Variants in HPSE2 observed in about 807,000 individuals in gnomAD.
HPSE2 encodes the protein inactive heparanase-2.
Under a neutral mutation model 60.5 loss-of-function variants are expected in HPSE2, and 38 were observed. That is an observed-to-expected ratio of 0.63 (90% CI 0.48 to 0.82). The LOEUF is 0.82. HPSE2 is among the 40% of genes least tolerant of loss of function. The pLI is 0.00. For missense variants in HPSE2, 713 were observed against 740.4 expected (o/e 0.96, Z 0.43); for synonymous variants, 295 against 293.2 (o/e 1.01, Z -0.06).
intron 9 of HPSE2, among the ~76,000 whole-genome samples, chr10:98,570,567 C>A (rs1944467308): frequency 6.6e-6 from 1 of 151,418 alleles, no homozygotes; most frequent in African/African-American, 2.4e-5. Flanking sequence ...TTGACCTGGG[C>A]ATTAGAATAA....
At chr10:98,737,529 C>T (rs201193249) in intron 4 of HPSE2, among the ~76,000 whole-genome samples, 2 of 92,898 alleles carry the variant, frequency 2.2e-5, no homozygotes, top group Non-Finnish European at 4.5e-5. Context: ...TTCTCTGACC[C>T]CTTGCACTTC....
intron 2 of HPSE2, among the ~76,000 whole-genome samples, chr10:99,193,480 C>T (rs186269267): frequency 1.3e-5 from 2 of 151,338 alleles, no homozygotes; most frequent in African/African-American, 4.8e-5. Context: ...AAAAGACATA[C>T]AGTGGCTGAA....
In HPSE2 at chr10:98,679,640, A is replaced by G. The variant is rs1268474835; in HGVS notation, c.1004+14260T>C. 2.0e-5 allele frequency among the ~76,000 whole-genome samples: 3 copies of G among 152,168 alleles called. No homozygotes were observed. In the South Asian group the frequency reaches 6.2e-4, roughly 32 times the overall value. On this transcript the variant is annotated intron_variant, in intron 6 of 11. Coordinates refer to ENST00000370552, the MANE Select transcript of HPSE2 (RefSeq NM_021828.5). ...CAATAAGTTATTATTTTGAAGTCCT[A>G]ATGTTTTTCTTGTGCCTACATGGAA...
intron 3 of HPSE2, among the ~76,000 whole-genome samples, chr10:99,069,706 A>G (rs1233921138): frequency 1.3e-5 from 2 of 151,766 alleles, no homozygotes; most frequent in Non-Finnish European, 2.9e-5. Context: ...AATTGCAATG[A>G]TAATAGTCAC....
intron 6 of HPSE2, among the ~76,000 whole-genome samples, chr10:98,678,783 G>T (rs1218460997): frequency 1.3e-5 from 2 of 151,946 alleles, no homozygotes; most frequent in African/African-American, 4.8e-5. Context: ...ATTTTTTGGA[G>T]ATAAAATTGT....
chr10:99,232,214 T>TACACAC (rs59437000), intron 2 of HPSE2, 134 bp downstream of exon 2: 10,607 of 896,590 alleles, frequency 0.012, 105 homozygotes, highest in African/African-American at 0.042. Flanking sequence ...CGCGCGCGCA[T>TACACAC]ACACACACAC....
Position 98,749,947 on chromosome 10 carries a change from T to TATATATATATATATATATACATAC in HPSE2, c.611-5892_611-5891insGTATGTATATATATATATATATAT. Among the ~76,000 whole-genome samples, 83 of 98,460 alleles carry TATATATATATATATATATACATAC rather than the reference T, an allele frequency of 8.4e-4. 2 individuals carry two copies. Among genetic ancestry groups the TATATATATATATATATATACATAC allele is most frequent in the African/African-American group, 2.4e-3 (73 of 30,014 alleles). 64.6% of individuals were successfully genotyped at this position (98,460 alleles called of 152,430 possible). A position where few individuals can be genotyped will look rare whatever the true frequency, so the allele number is the denominator to read the frequency against. On this transcript the variant is annotated intron_variant, in intron 3 of 11. Transcript: ENST00000370552. The stretch of plus-strand genomic sequence containing the variant: ...ATTAAACACTATATATATATATATA[T>TATATATATATATATATATACATAC]ACACACACACTTACACACACATTTA...
chr10:99,307,829 T>TGC, the HPSE2 span, among the ~76,000 whole-genome samples: 11 of 145,966 alleles, frequency 7.5e-5, no homozygotes, highest in South Asian at 2.3e-4. Context: ...ACCTAGTAAA[T>TGC]GCGCACACAC....
intron 3 of HPSE2, among the ~76,000 whole-genome samples, chr10:99,136,146 G>A (rs1373960196): frequency 6.6e-6 from 1 of 152,070 alleles, no homozygotes; most frequent in Non-Finnish European, 1.5e-5. Flanking sequence ...TAGAAGAAAT[G>A]GATAAATTCC....
At chr10:98,629,542 G>A (rs1395517920) in intron 7 of HPSE2, among the ~76,000 whole-genome samples, 1 of 152,122 alleles carries the variant, frequency 6.6e-6, no homozygotes, top group African/African-American at 2.4e-5. Flanking sequence ...CTACATTAGA[G>A]CAGAGGATAT....
chr10:98,963,207 GA>G (rs940268332), intron 3 of HPSE2, among the ~76,000 whole-genome samples: 8 of 151,380 alleles, frequency 5.3e-5, no homozygotes, highest in Non-Finnish European at 1.0e-4. Context: ...GGAGTATGCA[GA>G]AAAAAAAGAC....
intron 3 of HPSE2, among the ~76,000 whole-genome samples, chr10:99,038,519 G>A (rs1957661693): frequency 6.6e-6 from 1 of 152,070 alleles, no homozygotes; most frequent in South Asian, 2.1e-4. Context: ...GGAATTGGGG[G>A]GAAGCAAAGA....
chr10:99,000,548 G>A (rs1200426307), intron 3 of HPSE2, among the ~76,000 whole-genome samples: 3 of 152,042 alleles, frequency 2.0e-5, no homozygotes, highest in African/African-American at 4.8e-5. Flanking sequence ...AAACAGTATC[G>A]AATGTTGCAT....
intron 7 of HPSE2, among the ~76,000 whole-genome samples, chr10:98,623,593 A>G (rs1425243558): frequency 6.6e-6 from 1 of 152,224 alleles, no homozygotes; most frequent in African/African-American, 2.4e-5. Context: ...GGAAACAAGA[A>G]TGTACCCTGG....
At chr10:98,605,697 T>G (rs1945560924) in intron 9 of HPSE2, among the ~76,000 whole-genome samples, 1 of 152,202 alleles carries the variant, frequency 6.6e-6, no homozygotes, top group Non-Finnish European at 1.5e-5. Flanking sequence ...CAATGAAGTT[T>G]GCCAAGTGCT....
chr10:99,169,001 T>G (rs1421144150), intron 2 of HPSE2, among the ~76,000 whole-genome samples: 1 of 151,572 alleles, frequency 6.6e-6, no homozygotes, highest in Non-Finnish European at 1.5e-5. Flanking sequence ...GAGACCATCC[T>G]GTGAATGGTG....
intron 3 of HPSE2, among the ~76,000 whole-genome samples, chr10:99,102,143 A>G (rs1332411174): frequency 4.0e-5 from 6 of 149,146 alleles, no homozygotes; most frequent in Admixed American, 1.4e-4. Flanking sequence ...GAGCAGAACT[A>G]AAGGAAATAG....
At chr10:99,213,262 G>T (rs1849009684) in intron 2 of HPSE2, among the ~76,000 whole-genome samples, 1 of 151,602 alleles carries the variant, frequency 6.6e-6, no homozygotes, top group Admixed American at 6.6e-5. Context: ...AATACTCTTG[G>T]AATAAAATAT....
chr10:98,519,287 T>C (rs1389758584), intron 9 of HPSE2, among the ~76,000 whole-genome samples: 1 of 152,222 alleles, frequency 6.6e-6, no homozygotes, highest in Non-Finnish European at 1.5e-5. Flanking sequence ...GAAGAGCTCA[T>C]AGTTTAGTTG....
Sources: allele counts gnomAD v4.1 joint callset (sites outside exome capture counted in the v4.1 genomes callset), GRCh38; gene constraint gnomAD v4.1.1; transcripts MANE v1.5; gene names NCBI Gene and HGNC (gene_info 2026-07-23, HGNC 2026-07-21).